The following SGCD variants were observed in gnomAD, a reference collection of about 807,000 sequenced individuals.
SGCD encodes sarcoglycan delta.
A neutral mutation model predicts 36.6 loss-of-function variants in SGCD; 18 were observed. The ratio of observed to expected loss-of-function variants is 0.49; its 90% CI spans 0.34 to 0.73. The LOEUF (loss-of-function observed/expected upper bound fraction) is 0.73. SGCD is among the 30% of genes least tolerant of loss of function. The probability of loss-of-function intolerance (pLI) is 0.01; values close to 1 mark genes in which losing one functional copy is unlikely to be tolerated. For missense variants in SGCD, 387 were observed against 346.7 expected, an observed-to-expected ratio of 1.12 and a Z score of -0.92; for synonymous variants, 133 against 130.6, an observed-to-expected ratio of 1.02 and a Z score of -0.12.
intron 1 of SGCD, among the ~76,000 whole-genome samples, chr5:156,109,553 A>G (rs1490369560): frequency 6.6e-6 from 1 of 152,172 alleles, no homozygotes; most frequent in Non-Finnish European, 1.5e-5. Context: ...TCTGTCCTCA[A>G]AATATGCAAC....
intron 3 of SGCD, among the ~76,000 whole-genome samples, chr5:156,290,423 A>G (rs1161263436): frequency 6.6e-6 from 1 of 152,176 alleles, no homozygotes; most frequent in African/African-American, 2.4e-5. Flanking sequence ...AAGATTGCTC[A>G]AGAATCTAAG....
chr5:155,804,098 G>T, the SGCD span, among the ~76,000 whole-genome samples: 1 of 152,284 alleles, frequency 6.6e-6, no homozygotes, highest in East Asian at 1.9e-4. Context: ...AGGCAGGATT[G>T]GAGTTGGACG....
At chr5:156,537,099 T>C (rs892392170) in intron 4 of SGCD, among the ~76,000 whole-genome samples, 2 of 152,184 alleles carry the variant, frequency 1.3e-5, no homozygotes, top group Admixed American at 1.3e-4. Flanking sequence ...ACAGCACCTA[T>C]GGCAAAAGCC....
intron 3 of SGCD, among the ~76,000 whole-genome samples, chr5:156,457,691 A>G (rs1308863088): frequency 6.6e-6 from 1 of 152,222 alleles, no homozygotes; most frequent in Non-Finnish European, 1.5e-5. Context: ...ATGAAAGCTG[A>G]ATCCTTTCCC....
At chr5:155,891,951 C>A (rs1256217799) in intron 1 of SGCD, among the ~76,000 whole-genome samples, 3 of 152,090 alleles carry the variant, frequency 2.0e-5, no homozygotes, top group African/African-American at 7.2e-5. Context: ...ACGGAGAATA[C>A]AAAGGAAATG....
At chr5:155,906,142 C>T (rs1756506537) in intron 1 of SGCD, among the ~76,000 whole-genome samples, 1 of 152,160 alleles carries the variant, frequency 6.6e-6, no homozygotes, top group Non-Finnish European at 1.5e-5. Context: ...ATCTTTAATG[C>T]TATTAATGTA....
At chr5:155,745,451 CCTTT>C in the SGCD span, among the ~76,000 whole-genome samples, 1 of 152,088 alleles carries the variant, frequency 6.6e-6, no homozygotes. Flanking sequence ...CCTCTCTCTC[CCTTT>C]CTATTTCTCT....
chr5:156,378,270 C>T lies in SGCD; in HGVS notation c.192+33593C>T, dbSNP rs111310611. Among the ~76,000 whole-genome samples, 698 of 152,138 alleles carry T rather than the reference C, an allele frequency of 4.6e-3. 9 individuals carry two copies. The highest frequency in any genetic ancestry group is 0.016 in the African/African-American group (652 of 41,518). On this transcript the variant is annotated intron_variant, in intron 3 of 8. Coordinates refer to ENST00000337851, the MANE Select transcript of SGCD (RefSeq NM_000337.6). ...AAAACTCAAATGCTGTATGATTCCC[C>T]GTGTGTGAGATAGTTAAAGCAGTCA...
chr5:156,121,995 C>A (rs1386421028), intron 2 of SGCD, among the ~76,000 whole-genome samples: 2 of 152,136 alleles, frequency 1.3e-5, no homozygotes, highest in Non-Finnish European at 2.9e-5. Flanking sequence ...TGTTTGCTAG[C>A]TTCCCAAATA....
upstream of SGCD, among the ~76,000 whole-genome samples, chr5:156,326,054 A>G (rs1229172052): frequency 6.6e-6 from 1 of 152,226 alleles, no homozygotes; most frequent in Admixed American, 6.5e-5. Context: ...TGTTAATACC[A>G]AAAACAGAAA....
At chr5:156,501,129 G>GA (rs1165628923) in intron 3 of SGCD, among the ~76,000 whole-genome samples, 1 of 152,288 alleles carries the variant, frequency 6.6e-6, no homozygotes, top group East Asian at 1.9e-4. Flanking sequence ...ACACTGGCAG[G>GA]AAAATGGTCT....
At chr5:156,690,590 A>T (rs1754070815) in intron 7 of SGCD, among the ~76,000 whole-genome samples, 1 of 152,094 alleles carries the variant, frequency 6.6e-6, no homozygotes, top group South Asian at 2.1e-4. Context: ...ATCTGCTTAG[A>T]TGTGAGAGTT....
chr5:156,283,659 T>C (rs1581217183), intron 3 of SGCD, among the ~76,000 whole-genome samples: 2 of 152,178 alleles, frequency 1.3e-5, no homozygotes, highest in African/African-American at 2.4e-5. Flanking sequence ...ACTTAGTAGT[T>C]CTCAAATTTG....
intron 6 of SGCD, among the ~76,000 whole-genome samples, chr5:156,617,925 C>G (rs56185436): frequency 3.3e-5 from 5 of 152,202 alleles, no homozygotes; most frequent in Admixed American, 6.5e-5. Flanking sequence ...TGCAACAAAA[C>G]TTAGTTCTGT....
the SGCD span, among the ~76,000 whole-genome samples, chr5:155,744,585 A>G: frequency 5.3e-5 from 8 of 152,236 alleles, no homozygotes; most frequent in East Asian, 1.3e-3. Context: ...AACTTGTTAG[A>G]ACTTTTTGAA....
chr5:156,725,299 A>G (rs1006693945), intron 7 of SGCD, among the ~76,000 whole-genome samples: 1 of 152,190 alleles, frequency 6.6e-6, no homozygotes, highest in Non-Finnish European at 1.5e-5. Context: ...TGCTGTAGAG[A>G]GCCATTTCTG....
At chr5:155,830,509 C>A in the SGCD span, among the ~76,000 whole-genome samples, 1 of 152,160 alleles carries the variant, frequency 6.6e-6, no homozygotes, top group African/African-American at 2.4e-5. Flanking sequence ...CAATCCATAA[C>A]AACAGCCAAT....
In SGCD at chr5:156,743,889, T is replaced by C. The variant is rs548013253; in HGVS notation, c.576-13692T>C. 2.6e-5 allele frequency among the ~76,000 whole-genome samples: 4 copies of C among 152,384 alleles called. No individual in the cohort carries two copies. In the South Asian group the frequency reaches 6.2e-4, roughly 24 times the overall value. On this transcript the variant is annotated intron_variant, in intron 7 of 8. Transcript: ENST00000337851. ...TTATTTGACTTAAAAGTAGAACTTA[T>C]ATAATTAGAGAAGATTATGTTCCTT...
At chr5:156,727,864 A>C (rs1388426223) in intron 7 of SGCD, among the ~76,000 whole-genome samples, 1 of 152,222 alleles carries the variant, frequency 6.6e-6, no homozygotes, top group African/African-American at 2.4e-5. Flanking sequence ...TGTAAAGTAC[A>C]AAAGGCAGTT....
Sources: allele counts gnomAD v4.1 joint callset (sites outside exome capture counted in the v4.1 genomes callset), GRCh38; gene constraint gnomAD v4.1.1; transcripts MANE v1.5; gene names NCBI Gene and HGNC (gene_info 2026-07-23, HGNC 2026-07-21).